Variants in PCDHA12 observed in about 807,000 individuals in gnomAD.
The protein encoded by PCDHA12 is protocadherin alpha 12, also known as protocadherin alpha-12.
PCDHA12 carries 44 observed loss-of-function variants against 60.0 expected under a neutral mutation model. The observed-to-expected ratio is 0.73, with a 90% CI of 0.58 to 0.94. PCDHA12 has a LOEUF of 0.94. PCDHA12 is among the 40% of genes least tolerant of loss of function. PCDHA12 has a pLI of 0.00. For synonymous variants in PCDHA12, 569 were observed against 553.0 expected (o/e 1.03, Z -0.40); for missense variants, 1,276 against 1,239.7 (o/e 1.03, Z -0.44).
At chr5:140,990,341 C>A (rs2097389083) in intron 3 of PCDHA12, among the ~76,000 whole-genome samples, 1 of 152,110 alleles carries the variant, frequency 6.6e-6, no homozygotes, top group South Asian at 2.1e-4. Flanking sequence ...ATAAGTAAAG[C>A]CTGCCCTGTA....
At chr5:140,903,229 T>C (rs2153479721) in intron 1 of PCDHA12, among the ~76,000 whole-genome samples, 1 of 152,340 alleles carries the variant, frequency 6.6e-6, no homozygotes, top group South Asian at 2.1e-4. Flanking sequence ...CATCTATTAC[T>C]TTTTGATTTT....
intron 1 of PCDHA12, among the ~76,000 whole-genome samples, chr5:140,940,999 A>C (rs2092715324): frequency 1.3e-5 from 2 of 152,264 alleles, no homozygotes; most frequent in Admixed American, 1.3e-4. Context: ...TATAGGATTA[A>C]ATTTTCCTTT....
chr5:140,985,928 C>A (rs1001132600), intron 3 of PCDHA12, among the ~76,000 whole-genome samples: 2 of 151,534 alleles, frequency 1.3e-5, no homozygotes, highest in Non-Finnish European at 2.9e-5. Flanking sequence ...TTTAGTAGAG[C>A]CGGGGTTTCA....
Position 140,876,720 on chromosome 5 carries a change from G to C in PCDHA12, c.1248G>C (p.Glu416Asp), listed in dbSNP as rs781797133. ...SLVLDSALDR[E>D]SVSAYELVVT... ...TGCTGGACAGCGCCCTGGACCGCGA[G>C]AGCGTGTCGGCCTATGAGCTGGTGG... The change falls in exon 1 of 4, where the codon GAG (glutamate) becomes GAC (aspartate). Residue 416 changes from glutamate (E) to aspartate (D), a missense_variant. Transcript: ENST00000398631. 2.5e-6 allele frequency: 4 copies of C among 1,614,264 alleles called. No individual in the cohort carries two copies. Among genetic ancestry groups the C allele is most frequent in the Non-Finnish European group, 3.4e-6 (4 of 1,180,052 alleles).
intron 1 of PCDHA12, among the ~76,000 whole-genome samples, chr5:140,892,414 C>G (rs2063506203): frequency 6.6e-6 from 1 of 152,124 alleles, no homozygotes; most frequent in Non-Finnish European, 1.5e-5. Context: ...TTCAGGTATT[C>G]TAGATAAAAC....
chr5:141,007,647 A>T (rs1554261419), intron 3 of PCDHA12, among the ~76,000 whole-genome samples: 1 of 152,174 alleles, frequency 6.6e-6, no homozygotes, highest in Admixed American at 6.5e-5. Context: ...GTATTTGCCT[A>T]AAAAACCATA....
At chr5:140,916,592 G>A (rs1554197534) in intron 1 of PCDHA12, among the ~76,000 whole-genome samples, 2 of 152,164 alleles carry the variant, frequency 1.3e-5, no homozygotes, top group Non-Finnish European at 2.9e-5. Flanking sequence ...ATGAGCTAGG[G>A]CCTGGAATGC....
At position 140,941,221 on chromosome 5, in the gene PCDHA12, T is replaced by TTC. The variant is rs1217645089; in HGVS notation, c.2368-37726_2368-37725dup. Among the ~76,000 whole-genome samples the TTC allele has an allele frequency of 5.2e-4, 68 of 131,640 alleles. 1 individual carries two copies. Among genetic ancestry groups the TTC allele is most frequent in the African/African-American group, 2.0e-3 (67 of 33,088 alleles). 86.4% of individuals were successfully genotyped at this position (131,640 alleles called of 152,430 possible). A position where few individuals can be genotyped will look rare whatever the true frequency, so the allele number is the denominator to read the frequency against. Reference sequence around the variant, plus strand: ...TTTCTTCCTTTCTTTCTTCCTTTCTTTCTTTCTTTCTTTCTTTCTTTCTTT... The same window carrying TTC: ...TTTCTTCCTTTCTTTCTTCCTTTCTTTCTCTTTCTTTCTTTCTTTCTTTCTTT... On this transcript the variant is annotated intron_variant, in intron 1 of 3. Transcript: ENST00000398631.
At chr5:140,956,551 C>T (rs995941205) in intron 1 of PCDHA12, among the ~76,000 whole-genome samples, 1 of 152,148 alleles carries the variant, frequency 6.6e-6, no homozygotes, top group Non-Finnish European at 1.5e-5. Context: ...ATTTGGTTTG[C>T]CAGTATCTTA....
chr5:140,963,177 T>A (rs1002604435), intron 1 of PCDHA12, among the ~76,000 whole-genome samples: 1 of 152,194 alleles, frequency 6.6e-6, no homozygotes, highest in East Asian at 1.9e-4. Flanking sequence ...CTTACAGATA[T>A]GCTGTAGACT....
At position 140,875,562 on chromosome 5, in the gene PCDHA12, G is replaced by A. The variant is rs2055601257; in HGVS notation, c.90G>A (p.Gln30=). 6.2e-7 allele frequency: 1 copy of A among 1,614,120 alleles called. No individual in the cohort carries two copies. The highest frequency in any genetic ancestry group is 8.5e-7 in the Non-Finnish European group (1 of 1,180,028). The change falls in exon 1 of 4, where the codon CAG becomes CAA. Residue 30 remains glutamine, a synonymous_variant. Transcript: ENST00000398631. ...LLAAWEVGSG[Q]LHYSVYEEAK... Reference sequence around the variant, plus strand: ...CAGCCTGGGAGGTGGGGAGCGGCCAGCTCCACTACTCCGTCTACGAGGAGG... The same window carrying A: ...CAGCCTGGGAGGTGGGGAGCGGCCAACTCCACTACTCCGTCTACGAGGAGG...
intron 1 of PCDHA12, among the ~76,000 whole-genome samples, chr5:140,957,220 G>A (rs1356437193): frequency 2.6e-5 from 4 of 152,192 alleles, no homozygotes; most frequent in Non-Finnish European, 5.9e-5. Flanking sequence ...CAAAAATTTG[G>A]CGAAGCATTT....
intron 1 of PCDHA12, among the ~76,000 whole-genome samples, chr5:140,886,928 C>T (rs2061230435): frequency 6.6e-6 from 1 of 151,686 alleles, no homozygotes; most frequent in African/African-American, 2.4e-5. Flanking sequence ...TCTCTATGTG[C>T]CAGGCATGTT....
chr5:140,901,440 G>C (rs187310877), intron 1 of PCDHA12, among the ~76,000 whole-genome samples: 22 of 152,214 alleles, frequency 1.4e-4, no homozygotes, highest in Admixed American at 5.2e-4. Flanking sequence ...TGGATATCTA[G>C]TTTCCCAGCA....
At chr5:140,967,803 C>T (rs1042188546) in intron 1 of PCDHA12, 3 of 1,614,066 alleles carry the variant, frequency 1.9e-6, no homozygotes, top group Admixed American at 3.3e-5. Flanking sequence ...GTGCCCATGG[C>T]AGGTCACTGC....
At chr5:140,919,510 T>G (rs750733245) in intron 1 of PCDHA12, among the ~76,000 whole-genome samples, 2 of 152,208 alleles carry the variant, frequency 1.3e-5, no homozygotes, top group Non-Finnish European at 2.9e-5. Context: ...TTTTTCTATA[T>G]GTTTTAATTC....
intron 1 of PCDHA12, among the ~76,000 whole-genome samples, chr5:140,903,921 G>C (rs1282440912): frequency 6.6e-6 from 1 of 152,198 alleles, no homozygotes; most frequent in African/African-American, 2.4e-5. Flanking sequence ...CTTCCTTGCT[G>C]CATTGGATAA....
chr5:140,927,236 T>G, intron 1 of PCDHA12: 1 of 1,614,120 alleles, frequency 6.2e-7, no homozygotes, highest in Non-Finnish European at 8.5e-7. Context: ...ATTCACGTCC[T>G]GGACACCAAT....
chr5:140,928,785 G>A, intron 1 of PCDHA12: 1 of 1,614,144 alleles, frequency 6.2e-7, no homozygotes, highest in Middle Eastern at 1.6e-4. Context: ...ATGCAGTTAA[G>A]CAGAGGGTGG....
Sources: allele counts gnomAD v4.1 joint callset (sites outside exome capture counted in the v4.1 genomes callset), GRCh38; gene constraint gnomAD v4.1.1; transcripts MANE v1.5; gene names NCBI Gene and HGNC (gene_info 2026-07-23, HGNC 2026-07-21).